ITPR1: variants seen among roughly 807,000 people sequenced by gnomAD.
ITPR1 encodes the protein inositol 1,4,5-trisphosphate receptor type 1.
In ITPR1, 96 loss-of-function variants were observed where a neutral mutation model predicts 318.4. The ratio of observed to expected loss-of-function variants is 0.30; its 90% confidence interval spans 0.26 to 0.36. ITPR1 has a LOEUF of 0.36. Among genes scored for constraint, ITPR1 ranks in the 10% least tolerant of loss-of-function variants. The pLI, the probability that ITPR1 is intolerant of heterozygous loss-of-function variation, is 1.00. For missense variants in ITPR1, 2,440 were observed against 3,460.2 expected (o/e 0.71, Z 7.40); for synonymous variants, 1,312 against 1,289.9 (o/e 1.02, Z -0.37).
intron 51 of ITPR1, 26 bp downstream of exon 51, chr3:4,783,946 T>G (rs1291864950): frequency 7.9e-6 from 12 of 1,526,466 alleles, no homozygotes; most frequent in African/African-American, 1.4e-5. Context: ...ACTCAGGGCA[T>G]GGGGTTGTGT....
intron 4 of ITPR1, among the ~76,000 whole-genome samples, chr3:4,541,695 G>A (rs918946843): frequency 1.3e-5 from 2 of 151,544 alleles, no homozygotes; most frequent in Non-Finnish European, 1.5e-5. Flanking sequence ...GCGTGATCTC[G>A]GCTCACTGCA....
chr3:4,575,199 G>A (rs2088500474), intron 4 of ITPR1, among the ~76,000 whole-genome samples: 1 of 152,200 alleles, frequency 6.6e-6, no homozygotes, highest in South Asian at 2.1e-4. Context: ...AGTCAACTTA[G>A]TGCCAAGATT....
chr3:4,595,345 G>C (rs970758011), intron 4 of ITPR1, among the ~76,000 whole-genome samples: 1 of 152,162 alleles, frequency 6.6e-6, no homozygotes. Flanking sequence ...GCGAGAGAGA[G>C]AGTGGTGAGG....
intron 31 of ITPR1, among the ~76,000 whole-genome samples, 171 bp from the exon 32 acceptor site, chr3:4,690,973 G>A (rs2094471062): frequency 6.6e-6 from 1 of 151,606 alleles, no homozygotes; most frequent in Non-Finnish European, 1.5e-5. Context: ...AATGAAAAAA[G>A]CTTACTAAAA....
At chr3:4,703,270 G>A (rs143167833) in intron 36 of ITPR1, among the ~76,000 whole-genome samples, 1 of 152,300 alleles carries the variant, frequency 6.6e-6, no homozygotes, top group Non-Finnish European at 1.5e-5. Flanking sequence ...CCTCATTCAA[G>A]AAACTAATTT....
At chr3:4,776,896 A>G (rs1014757660) in intron 47 of ITPR1, among the ~76,000 whole-genome samples, 5 of 152,244 alleles carry the variant, frequency 3.3e-5, no homozygotes, top group African/African-American at 1.2e-4. Flanking sequence ...AAATACAAAA[A>G]GAGTGCTTTA....
Position 4,675,189 on chromosome 3 carries a change from T to G in ITPR1, c.2720T>G (p.Ile907Ser). ...DCVHVTTIFPISKMAKGEENK... is the reference protein window; with the variant it reads ...DCVHVTTIFPSSKMAKGEENK... ...GTACATGTGACAACAATCTTCCCCA[T>G]TAGCAAGATGGCGAAAGGAGAAGAG... Residue 907 changes from isoleucine (I) to serine (S), a missense_variant, in exon 23 of 62, where the codon ATT (isoleucine) becomes AGT (serine). Ile to Ser is a moderately radical substitution (Grantham distance 142). Transcript: ENST00000649015. 6.2e-7 allele frequency: 1 copy of G among 1,612,738 alleles called. No individual in the cohort carries two copies. The highest frequency in any genetic ancestry group is 8.5e-7 in the Non-Finnish European group (1 of 1,179,340).
At chr3:4,517,662 C>G (rs563880992) in intron 3 of ITPR1, among the ~76,000 whole-genome samples, 2 of 152,326 alleles carry the variant, frequency 1.3e-5, no homozygotes, top group Non-Finnish European at 2.9e-5. Context: ...CCATGGCTGC[C>G]TGATCACCAG....
intron 4 of ITPR1, among the ~76,000 whole-genome samples, chr3:4,597,664 G>C (rs62233667): frequency 2.0e-5 from 3 of 152,214 alleles, no homozygotes; most frequent in Admixed American, 2.0e-4. Context: ...AGAAATGAGA[G>C]AGAAAGCAAG....
At chr3:4,786,953 C>A (rs1406713316) in intron 51 of ITPR1, among the ~76,000 whole-genome samples, 1 of 152,094 alleles carries the variant, frequency 6.6e-6, no homozygotes. Context: ...TGAGAAAGTG[C>A]CTTAAGTGAG....
At chr3:4,613,136 T>C (rs2092232505) in intron 4 of ITPR1, among the ~76,000 whole-genome samples, 1 of 152,194 alleles carries the variant, frequency 6.6e-6, no homozygotes, top group African/African-American at 2.4e-5. Context: ...TGTACGTTGG[T>C]TGGGTCCAGT....
chr3:4,753,662 GC>G (rs2044720849), intron 44 of ITPR1, among the ~76,000 whole-genome samples: 2 of 152,154 alleles, frequency 1.3e-5, no homozygotes. Context: ...GGAGGCACTT[GC>G]TTTGCTTGAT....
chr3:4,537,215 T>C (rs1242277551), intron 4 of ITPR1, among the ~76,000 whole-genome samples: 1 of 152,246 alleles, frequency 6.6e-6, no homozygotes. Flanking sequence ...ATTGGAATTA[T>C]CTGTTCCTTG....
chr3:4,616,794 G>A (rs2092406826), intron 4 of ITPR1, among the ~76,000 whole-genome samples: 1 of 152,106 alleles, frequency 6.6e-6, no homozygotes, highest in African/African-American at 2.4e-5. Flanking sequence ...GGGTGTAGCA[G>A]AGATGGGCTG....
At chr3:4,771,859 C>T (rs943257601) in intron 46 of ITPR1, among the ~76,000 whole-genome samples, 2 of 152,032 alleles carry the variant, frequency 1.3e-5, no homozygotes, top group African/African-American at 4.8e-5. Context: ...TTGAAATATA[C>T]TAAGTACAGC....
intron 4 of ITPR1, among the ~76,000 whole-genome samples, chr3:4,616,465 C>A (rs1009229222): frequency 1.3e-5 from 2 of 152,150 alleles, no homozygotes; most frequent in African/African-American, 4.8e-5. Context: ...AATTTTTATT[C>A]TCTTTCCTCT....
At chr3:4,789,375 G>C (rs73004812) in intron 52 of ITPR1, among the ~76,000 whole-genome samples, 2 of 152,122 alleles carry the variant, frequency 1.3e-5, no homozygotes, top group South Asian at 4.1e-4. Flanking sequence ...AAAGACTCTT[G>C]CAGCTCCAGG....
intron 4 of ITPR1, among the ~76,000 whole-genome samples, chr3:4,620,464 C>G (rs1227623413): frequency 6.6e-6 from 1 of 152,128 alleles, no homozygotes; most frequent in Non-Finnish European, 1.5e-5. Flanking sequence ...CCCTTGATGC[C>G]TGGAGCCCCC....
In ITPR1 at chr3:4,795,136, C is replaced by T. The variant is rs746473320; in HGVS notation, c.6880C>T (p.Leu2294=). The T allele has an allele frequency of 6.2e-7, 1 of 1,613,868 alleles. No homozygotes were observed. Among genetic ancestry groups the T allele is most frequent in the South Asian group, 1.1e-5 (1 of 91,040 alleles). ...WSSISFNLAV[L]MNLLVAFFYP... ...CAGCATTTCGTTTAACCTGGCCGTC[C>T]TGATGAACCTGCTGGTGGCGTTTTT... Residue 2294 remains leucine (L), a synonymous_variant, in exon 53 of 62, where the codon CTG becomes TTG. Transcript: ENST00000649015.
Sources: allele counts gnomAD v4.1 joint callset (sites outside exome capture counted in the v4.1 genomes callset), GRCh38; gene constraint gnomAD v4.1.1; transcripts MANE v1.5; gene names NCBI Gene and HGNC (gene_info 2026-07-23, HGNC 2026-07-21).